DYNC2LI1: variants seen among roughly 807,000 people sequenced by gnomAD.
The protein encoded by DYNC2LI1 is dynein cytoplasmic 2 light intermediate chain 1, also known as cytoplasmic dynein 2 light intermediate chain 1.
Under a neutral mutation model 51.9 loss-of-function variants are expected in DYNC2LI1, and 45 were observed. That is an observed-to-expected ratio of 0.87 (90% CI 0.68 to 1.11). The LOEUF is 1.11. Ranked by LOEUF, DYNC2LI1 falls within the 50% of genes most tolerant of loss-of-function variation. The pLI is 0.00. For synonymous variants in DYNC2LI1, 130 were observed against 137.8 expected (o/e 0.94, Z 0.40); for missense variants, 490 against 417.4 (o/e 1.17, Z -1.51).
chr2:43,826,320 T>G, the DYNC2LI1 span: 2 of 1,611,066 alleles, frequency 1.2e-6, no homozygotes, highest in East Asian at 2.2e-5. Flanking sequence ...ATCTTGCCCC[T>G]GCCCCTGTGA....
rs780816640 is a variant in DYNC2LI1, at chr2:43,804,692, C to A, written c.853C>A (p.Pro285Thr). ...NDIGKLHAHS[P>T]MELWKKVYEK... ...CATTGGAAAGCTTCATGCCCACTCA[C>A]CTATGGAGTTGTGGAAAAAAGTGTA... The change falls in exon 11 of 13, where the codon CCT becomes ACT. Residue 285 changes from proline (P) to threonine (T), a missense_variant. Pro to Thr is a conservative substitution (Grantham distance 38, BLOSUM62 -1). Coordinates refer to ENST00000260605, the MANE Select transcript of DYNC2LI1 (RefSeq NM_016008.4). 2 of 1,607,930 alleles carry A rather than the reference C, an allele frequency of 1.2e-6. No homozygotes were observed. Among genetic ancestry groups the A allele is most frequent in the Admixed American group, 1.7e-5 (1 of 58,722 alleles).
intron 3 of DYNC2LI1, 54 bp from the exon 4 acceptor site, chr2:43,787,127 C>A: frequency 1.4e-6 from 2 of 1,411,484 alleles, no homozygotes; most frequent in Non-Finnish European, 2.0e-6. Context: ...AAGGTGATAG[C>A]ATAAGAAACT....
chr2:43,794,412 G>T, intron 5 of DYNC2LI1, 45 bp from the exon 6 acceptor site: 1 of 1,534,898 alleles, frequency 6.5e-7, no homozygotes, highest in African/African-American at 1.4e-5. Context: ...TTTCAAAATG[G>T]TAATTATTTT....
intron 8 of DYNC2LI1, among the ~76,000 whole-genome samples, chr2:43,798,991 T>A (rs1665984705): frequency 6.6e-6 from 1 of 152,006 alleles, no homozygotes; most frequent in African/African-American, 2.4e-5. Context: ...TTATGAACAA[T>A]CTAATTAAGT....
intron 4 of DYNC2LI1, among the ~76,000 whole-genome samples, chr2:43,788,373 C>T (rs758887563): frequency 1.6e-4 from 24 of 152,294 alleles, no homozygotes; most frequent in Non-Finnish European, 2.8e-4. Context: ...CTCATGGGAG[C>T]AGATACGTAA....
At chr2:43,779,046 A>G (rs1016329876) in intron 2 of DYNC2LI1, among the ~76,000 whole-genome samples, 2 of 152,116 alleles carry the variant, frequency 1.3e-5, no homozygotes, top group Non-Finnish European at 2.9e-5. Flanking sequence ...GCTTGAGCCC[A>G]GGAGTTCGAG....
chr2:43,820,111 A>C, the DYNC2LI1 span: 1 of 1,612,472 alleles, frequency 6.2e-7, no homozygotes, highest in Non-Finnish European at 8.5e-7. Flanking sequence ...CTAGAAAAGC[A>C]TAAGCTCTTT....
chr2:43,776,839 T>A lies in DYNC2LI1; in HGVS notation c.66T>A (p.Ser22Arg). 1 of 1,604,214 alleles carries A rather than the reference T, an allele frequency of 6.2e-7. No homozygotes were observed. Among genetic ancestry groups the A allele is most frequent in the Non-Finnish European group, 8.5e-7 (1 of 1,175,530 alleles). The change falls in exon 2 of 13, where the codon AGT (serine) becomes AGA (arginine). Residue 22 changes from serine to arginine, a missense_variant. By Grantham distance (110) the Ser-to-Arg change is moderately radical (BLOSUM62 -1). Transcript: ENST00000260605. ...TGGAAAAAAGGGGAATTAATGGAAGTGAAGGTGATGGAGCTGAAATTGCAG... is the reference window on the plus strand; with the variant it reads ...TGGAAAAAAGGGGAATTAATGGAAGAGAAGGTGATGGAGCTGAAATTGCAG... Reference protein sequence around the residue: ...AEVEKRGINGSEGDGAEIAEK... With the variant: ...AEVEKRGINGREGDGAEIAEK...
intron 3 of DYNC2LI1, 140 bp from the exon 4 acceptor site, chr2:43,787,041 A>G (rs1057132892): frequency 1.9e-5 from 11 of 579,556 alleles, no homozygotes; most frequent in Non-Finnish European, 2.7e-5. Context: ...TGTGAATATA[A>G]TTTATTTCAA....
chr2:43,781,273 G>T (rs1471589616), intron 2 of DYNC2LI1, among the ~76,000 whole-genome samples: 1 of 151,796 alleles, frequency 6.6e-6, no homozygotes, highest in Non-Finnish European at 1.5e-5. Context: ...GGAGGCTGAG[G>T]CCTAAGAATC....
chr2:43,822,941 G>C, the DYNC2LI1 span: 2 of 1,613,694 alleles, frequency 1.2e-6, no homozygotes, highest in Non-Finnish European at 1.7e-6. Flanking sequence ...GGGAACTGGG[G>C]ATGGAAGGCA....
intron 2 of DYNC2LI1, among the ~76,000 whole-genome samples, chr2:43,781,930 A>T (rs1281841281): frequency 6.6e-6 from 1 of 151,918 alleles, no homozygotes; most frequent in Non-Finnish European, 1.5e-5. Flanking sequence ...AAAAACTTTA[A>T]TTACCTTCAA....
chr2:43,825,118 C>CTTA, the DYNC2LI1 span: 1 of 1,429,964 alleles, frequency 7.0e-7, no homozygotes, highest in Non-Finnish European at 9.7e-7. Flanking sequence ...TCAGGTATTC[C>CTTA]TTATGGTCAC....
the DYNC2LI1 span, chr2:43,819,904 T>C: frequency 6.2e-7 from 1 of 1,614,046 alleles, no homozygotes; most frequent in Non-Finnish European, 8.5e-7. Flanking sequence ...TTTTGAATTA[T>C]GATATCTTAC....
Position 43,774,288 on chromosome 2 carries a change from A to T in DYNC2LI1, c.8+142A>T, listed in dbSNP as rs1430336329. 3.7e-6 allele frequency: 4 copies of T among 1,080,804 alleles called. No individual in the cohort carries two copies. The African/African-American group carries it at 6.3e-5, about 17-fold the overall frequency. The allele number at this position is 1,080,804 out of a possible 1,614,324, so 67.0% of individuals were successfully genotyped here. On this transcript the variant is annotated intron_variant, in intron 1 of 12. Transcript: ENST00000260605. ...ATGCAGGGTCGGGGACCTAGGAATC[A>T]GCCTTGAGCATAAAGATTCTGCCGC...
Position 43,776,798 on chromosome 2 carries a change from A to C in DYNC2LI1, c.25A>C (p.Ile9Leu). The C allele has an allele frequency of 6.3e-7, 1 of 1,585,298 alleles. No homozygotes were observed. The highest frequency in any genetic ancestry group is 8.6e-7 in the Non-Finnish European group (1 of 1,165,366). Residue 9 changes from isoleucine (I) to leucine (L), a missense_variant, in exon 2 of 13, where the codon ATT becomes CTT. Ile to Leu is a conservative substitution (Grantham distance 5). Transcript: ENST00000260605. ...CTCATGTAGTGAAACTCTCTGGGAA[A>C]TTGCAAAAGCTGAAGTGGAAAAAAG... MPSETLWE[I>L]AKAEVEKRGI...
At chr2:43,806,047 A>AT (rs1041615346) in intron 12 of DYNC2LI1, among the ~76,000 whole-genome samples, 5 of 151,358 alleles carry the variant, frequency 3.3e-5, no homozygotes, top group African/African-American at 7.3e-5. Context: ...CACCTGGCTA[A>AT]TTTTTTTTGC....
downstream of DYNC2LI1, among the ~76,000 whole-genome samples, chr2:43,814,257 A>G (rs987868764): frequency 2.0e-5 from 3 of 152,164 alleles, no homozygotes; most frequent in South Asian, 2.1e-4. Flanking sequence ...AACAACATCC[A>G]AGTGTCCCTT....
the DYNC2LI1 span, among the ~76,000 whole-genome samples, chr2:43,825,298 T>C: frequency 6.6e-6 from 1 of 152,162 alleles, no homozygotes; most frequent in Non-Finnish European, 1.5e-5. Flanking sequence ...ATATCTGGGA[T>C]AGACAAGCAT....
Sources: allele counts gnomAD v4.1 joint callset (sites outside exome capture counted in the v4.1 genomes callset), GRCh38; gene constraint gnomAD v4.1.1; transcripts MANE v1.5; gene names NCBI Gene and HGNC (gene_info 2026-07-23, HGNC 2026-07-21).